Variants in GARNL3 observed in about 807,000 individuals in gnomAD.
The protein encoded by GARNL3 is GTPase activating Rap/RanGAP domain like 3, also known as GTPase-activating Rap/Ran-GAP domain-like protein 3.
A neutral mutation model predicts 125.0 loss-of-function variants in GARNL3; 63 were observed. That is an observed-to-expected ratio of 0.50 (90% CI 0.41 to 0.62). The LOEUF (loss-of-function observed/expected upper bound fraction) is 0.62. Among genes scored for constraint, GARNL3 ranks in the 20% least tolerant of loss-of-function variants. The probability of loss-of-function intolerance (pLI) is 0.00; values close to 1 mark genes in which losing one functional copy is unlikely to be tolerated. For missense variants in GARNL3, 994 were observed against 1,244.0 expected, an observed-to-expected ratio of 0.80 and a Z score of 3.02; for synonymous variants, 439 against 457.5, an observed-to-expected ratio of 0.96 and a Z score of 0.52.
At chr9:127,317,733 AAACAACAACAAC>A (rs55904456) in intron 4 of GARNL3, among the ~76,000 whole-genome samples, 2 of 151,580 alleles carry the variant, frequency 1.3e-5, no homozygotes, top group Non-Finnish European at 2.9e-5. Context: ...AAACAAAACA[AAACAACAACAAC>A]AACAACAACG....
At chr9:127,324,067 T>C (rs1450071215) in intron 6 of GARNL3, among the ~76,000 whole-genome samples, 1 of 151,872 alleles carries the variant, frequency 6.6e-6, no homozygotes, top group Non-Finnish European at 1.5e-5. Flanking sequence ...CTGGGCAATA[T>C]AGTGGAACCC....
intron 2 of GARNL3, among the ~76,000 whole-genome samples, chr9:127,247,002 G>A (rs2063317343): frequency 6.7e-6 from 1 of 148,582 alleles, no homozygotes; most frequent in South Asian, 2.1e-4. Context: ...TCTAGATGGC[G>A]AGATTGGCAT....
chr9:127,379,365 A>G lies in GARNL3; in HGVS notation c.2162-4073A>G, dbSNP rs1364121700. On this transcript the variant is annotated intron_variant, in intron 22 of 27. Coordinates refer to ENST00000373387, the MANE Select transcript of GARNL3 (RefSeq NM_032293.5). ...ATGGCCTTGCAATTATTTTAACATC[A>G]TGGGAAAAACTGTGCCCCACTGAGA... Among the ~76,000 whole-genome samples, 3 of 152,154 alleles carry G rather than the reference A, an allele frequency of 2.0e-5. No homozygotes were observed. In the East Asian group the frequency reaches 5.8e-4, roughly 29 times the overall value.
rs1282458292 is a variant in GARNL3 at position 127,275,043 on chromosome 9, T to C, written c.144+10022T>C. On this transcript the variant is annotated intron_variant, in intron 1 of 27. Transcript: ENST00000373387. ...ATAAGCAAGACCAGGCTCAGCAGTG[T>C]GCATCATCTGTTGTAGCAGGAATAA... Among the ~76,000 whole-genome samples the C allele has an allele frequency of 2.0e-5, 3 of 152,226 alleles. No homozygotes were observed. The East Asian group carries it at 5.8e-4, about 29-fold the overall frequency.
intron 2 of GARNL3, among the ~76,000 whole-genome samples, chr9:127,297,944 T>C (rs1450936117): frequency 6.6e-6 from 1 of 152,220 alleles, no homozygotes; most frequent in Non-Finnish European, 1.5e-5. Flanking sequence ...CAGTTTCTCT[T>C]ATGAGAAAGA....
rs1338616325 is a variant in GARNL3, at chr9:127,364,977, T to G, written c.2095-323T>G. 1.7e-5 allele frequency: 5 copies of G among 288,918 alleles called. No homozygotes were observed. Among genetic ancestry groups the G allele is most frequent in the Non-Finnish European group, 3.2e-5 (5 of 155,838 alleles). The allele number at this position is 288,918 out of a possible 1,614,324, so 17.9% of individuals were successfully genotyped here. On this transcript the variant is annotated intron_variant, in intron 21 of 27. Coordinates refer to ENST00000373387, the MANE Select transcript of GARNL3 (RefSeq NM_032293.5). This position sits in a 1 kb window ranked among gnomAD's most constrained non-coding sequence, Gnocchi z 4.2. ...TTTTGCCATTGGAAATAATGGCATA[T>G]AAACCTGAGGCATTTCAATAGAGAG...
At chr9:127,243,921 T>C (rs2063248160) in intron 2 of GARNL3, among the ~76,000 whole-genome samples, 1 of 152,172 alleles carries the variant, frequency 6.6e-6, no homozygotes, top group African/African-American at 2.4e-5. Context: ...CCAGGGGGAA[T>C]CAAAGGCAGC....
chr9:127,300,496 G>A (rs887811438), intron 2 of GARNL3: 31 of 377,902 alleles, frequency 8.2e-5, no homozygotes, highest in South Asian at 5.6e-4. Flanking sequence ...TTTTTGAGAC[G>A]TAGGCTGGAG....
chr9:127,355,656 T>C (rs561442810), intron 20 of GARNL3, among the ~76,000 whole-genome samples, 184 bp downstream of exon 20: 80 of 152,354 alleles, frequency 5.3e-4, no homozygotes, highest in African/African-American at 1.9e-3. Flanking sequence ...TTCATTCCAG[T>C]GAACATCTAC....
At chr9:127,276,042 C>T (rs2063947272) in intron 1 of GARNL3, among the ~76,000 whole-genome samples, 1 of 152,104 alleles carries the variant, frequency 6.6e-6, no homozygotes, top group South Asian at 2.1e-4. Flanking sequence ...TTGATGCTTC[C>T]CTTCCTTGTA....
At chr9:127,347,705 G>A (rs909267089) in intron 16 of GARNL3, among the ~76,000 whole-genome samples, 1 of 152,022 alleles carries the variant, frequency 6.6e-6, no homozygotes, top group Non-Finnish European at 1.5e-5. Context: ...TGTCCTTTTG[G>A]TGTAAGTCAC....
chr9:127,238,529 A>G (rs528296657), intron 1 of GARNL3, among the ~76,000 whole-genome samples: 1 of 152,346 alleles, frequency 6.6e-6, no homozygotes, highest in Admixed American at 6.5e-5. Flanking sequence ...GTCCTCTGTC[A>G]AATAGGAAAC....
intron 9 of GARNL3, among the ~76,000 whole-genome samples, chr9:127,334,898 G>C (rs1401155221): frequency 1.3e-5 from 2 of 152,214 alleles, no homozygotes; most frequent in Non-Finnish European, 2.9e-5. Context: ...ATAATTGTTT[G>C]TGTCATCTTG....
chr9:127,296,464 CTTT>C (rs777082855), intron 2 of GARNL3, among the ~76,000 whole-genome samples: 1 of 87,104 alleles, frequency 1.1e-5, no homozygotes, highest in Non-Finnish European at 2.2e-5. Flanking sequence ...GTAGGCATGA[CTTT>C]TTTTTTTTTT....
At chr9:127,240,100 A>G (rs1260195100) in intron 1 of GARNL3, among the ~76,000 whole-genome samples, 2 of 152,226 alleles carry the variant, frequency 1.3e-5, no homozygotes, top group African/African-American at 4.8e-5. Flanking sequence ...TTTAGAAAGA[A>G]AAGCAAGTCA....
At chr9:127,389,162 C>G (rs747117735) in intron 26 of GARNL3, 43 bp downstream of exon 26, 1 of 1,387,228 alleles carries the variant, frequency 7.2e-7, no homozygotes, top group South Asian at 1.2e-5. Context: ...GTGAACAGAC[C>G]AGCTGGTTTT....
At position 127,286,884 on chromosome 9, in the gene GARNL3, AAAC is replaced by A. The variant is rs148260561; in HGVS notation, c.145-4278_145-4276del. 4.1e-4 allele frequency among the ~76,000 whole-genome samples: 63 copies of A among 152,310 alleles called. 1 individual carries two copies. The East Asian group carries it at 9.5e-3, about 23-fold the overall frequency. On this transcript the variant is annotated intron_variant, in intron 1 of 27. Coordinates refer to ENST00000373387, the MANE Select transcript of GARNL3 (RefSeq NM_032293.5). ...GCTTAGAACGTCACAGTGCGGTAAA[AAAC>A]AACAAGTTTATTTCTCTCTCATATG... is the stretch of plus-strand genomic sequence containing the variant.
intron 26 of GARNL3, among the ~76,000 whole-genome samples, chr9:127,390,234 G>A (rs1460548917): frequency 6.6e-6 from 1 of 152,140 alleles, no homozygotes; most frequent in African/African-American, 2.4e-5. Flanking sequence ...TTTTCAAGTT[G>A]GTGCCTTCTA....
intron 27 of GARNL3, among the ~76,000 whole-genome samples, chr9:127,391,404 G>A (rs1012237598): frequency 2.1e-5 from 3 of 144,098 alleles, no homozygotes; most frequent in African/African-American, 7.5e-5. Flanking sequence ...AAATAAAAAT[G>A]CTGGCTAGGC....
Sources: gnomAD v4.1 joint callset for allele counts (sites outside exome capture counted in the v4.1 genomes callset) on GRCh38, gnomAD v4.1.1 for gene constraint, Gnocchi (gnomAD v3.1) non-coding constraint, MANE v1.5 for transcripts, NCBI Gene and HGNC (gene_info 2026-07-23, HGNC 2026-07-21) for gene names.